Variants in PHF21A observed in about 807,000 individuals in gnomAD.
PHF21A encodes BHC80a.
Under a neutral mutation model 82.5 loss-of-function variants are expected in PHF21A, and 11 were observed. The ratio of observed to expected loss-of-function variants is 0.13; its 90% confidence interval spans 0.08 to 0.22. The LOEUF (loss-of-function observed/expected upper bound fraction) is 0.22. PHF21A is among the 10% of genes least tolerant of loss of function. PHF21A has a pLI of 1.00. For synonymous variants in PHF21A, 297 were observed against 302.8 expected, an observed-to-expected ratio of 0.98 and a Z score of 0.20; for missense variants, 579 against 837.8, an observed-to-expected ratio of 0.69 and a Z score of 3.81.
intron 6 of PHF21A, among the ~76,000 whole-genome samples, chr11:46,064,435 G>A (rs1337027521): frequency 2.0e-5 from 3 of 152,136 alleles, no homozygotes; most frequent in Non-Finnish European, 4.4e-5. Flanking sequence ...TTTTCAGATA[G>A]AGCTAGGATG....
At chr11:46,070,838 T>C (rs2096648721) in intron 6 of PHF21A, among the ~76,000 whole-genome samples, 1 of 152,212 alleles carries the variant, frequency 6.6e-6, no homozygotes, top group South Asian at 2.1e-4. Flanking sequence ...AAAAATATAC[T>C]TCCTGATAAG....
intron 7 of PHF21A, among the ~76,000 whole-genome samples, 184 bp downstream of exon 7, chr11:45,979,576 T>C (rs2094190647): frequency 6.6e-6 from 1 of 152,270 alleles, no homozygotes; most frequent in African/African-American, 2.4e-5. Flanking sequence ...TTAGTAATGT[T>C]ATTTCCTTCT....
chr11:46,097,842 T>C (rs1401651147), intron 1 of PHF21A, among the ~76,000 whole-genome samples: 3 of 151,628 alleles, frequency 2.0e-5, no homozygotes, highest in East Asian at 1.9e-4. Context: ...CACACACACA[T>C]ACACAAAAGA....
At chr11:45,946,025 C>A (rs765304227) in intron 14 of PHF21A, 22 bp from the exon 15 acceptor site, 6 of 1,613,468 alleles carry the variant, frequency 3.7e-6, no homozygotes, top group Middle Eastern at 1.7e-4. Flanking sequence ...GAGAAGGGAA[C>A]AAAAGGGAAA....
At chr11:45,980,988 G>C (rs1030124959) in intron 6 of PHF21A, among the ~76,000 whole-genome samples, 2 of 152,128 alleles carry the variant, frequency 1.3e-5, no homozygotes, top group African/African-American at 4.8e-5. Context: ...AAATCCAAGA[G>C]AAATGTGTTT....
At position 45,979,635 on chromosome 11, in the gene PHF21A, A is replaced by G. The variant is rs1325270977; in HGVS notation, c.360+125T>C. On this transcript the variant is annotated intron_variant, in intron 7 of 18. Coordinates refer to ENST00000676320, the MANE Select transcript of PHF21A (RefSeq NM_001352027.3). ...ATCTGGGTTATACTGTAAAAAAGCA[A>G]TCAAAATAACTTTTGTTTAGTTCTA... 2.2e-6 allele frequency: 3 copies of G among 1,364,084 alleles called. No individual in the cohort carries two copies. In the Admixed American group the frequency reaches 5.5e-5, roughly 25 times the overall value. 84.5% of individuals were successfully genotyped at this position (1,364,084 alleles called of 1,614,324 possible).
chr11:46,010,036 T>A (rs1253454796), intron 6 of PHF21A, among the ~76,000 whole-genome samples: 2 of 152,180 alleles, frequency 1.3e-5, no homozygotes, highest in Non-Finnish European at 2.9e-5. Flanking sequence ...TTTGGGGAAG[T>A]CTGAGGAACA....
intron 15 of PHF21A, among the ~76,000 whole-genome samples, chr11:45,942,960 T>A (rs1358288489): frequency 1.3e-5 from 2 of 152,146 alleles, no homozygotes; most frequent in Non-Finnish European, 2.9e-5. Flanking sequence ...GGAAGCTTCA[T>A]CTTTCTAGTC....
intron 6 of PHF21A, among the ~76,000 whole-genome samples, chr11:45,985,418 A>T (rs1315057326): frequency 2.0e-5 from 3 of 152,224 alleles, no homozygotes; most frequent in East Asian, 3.8e-4. Flanking sequence ...TTATGAACAA[A>T]AACACAGAAT....
intron 10 of PHF21A, among the ~76,000 whole-genome samples, chr11:45,962,203 C>T (rs1565276415): frequency 1.3e-5 from 2 of 152,152 alleles, no homozygotes; most frequent in South Asian, 4.1e-4. Flanking sequence ...GTACTTAACA[C>T]ATTTTTATTA....
chr11:46,014,044 T>C (rs1022146788), intron 6 of PHF21A, among the ~76,000 whole-genome samples: 8 of 152,154 alleles, frequency 5.3e-5, no homozygotes, highest in African/African-American at 1.4e-4. Flanking sequence ...AAGGGGTACA[T>C]GTGCAGGTTT....
chr11:45,963,014 G>T (rs2093202959), intron 10 of PHF21A, among the ~76,000 whole-genome samples: 1 of 151,942 alleles, frequency 6.6e-6, no homozygotes, highest in Non-Finnish European at 1.5e-5. Context: ...CAACGTGAAG[G>T]CCACGACAGG....
chr11:45,968,481 C>T (rs1389290921), intron 9 of PHF21A, among the ~76,000 whole-genome samples: 1 of 152,212 alleles, frequency 6.6e-6, no homozygotes, highest in East Asian at 1.9e-4. Flanking sequence ...CACATTTCTC[C>T]ACCCTGGAAC....
intron 6 of PHF21A, among the ~76,000 whole-genome samples, chr11:46,054,817 G>A (rs754306121): frequency 3.3e-5 from 5 of 151,840 alleles, no homozygotes; most frequent in Non-Finnish European, 5.9e-5. Flanking sequence ...TGAATTAAAT[G>A]TTGAAAGATT....
intron 9 of PHF21A, among the ~76,000 whole-genome samples, chr11:45,967,816 T>C (rs2093537088): frequency 6.6e-6 from 1 of 152,194 alleles, no homozygotes; most frequent in Admixed American, 6.5e-5. Flanking sequence ...CAGTAAGAAA[T>C]ATATTTTACT....
chr11:45,935,953 A>G (rs1391558153), intron 17 of PHF21A, among the ~76,000 whole-genome samples: 47 of 152,080 alleles, frequency 3.1e-4, no homozygotes, highest in Non-Finnish European at 1.5e-4. Flanking sequence ...CTTTACATAA[A>G]TGAGATACCA....
At chr11:46,072,307 T>G (rs2096665038) in intron 6 of PHF21A, among the ~76,000 whole-genome samples, 1 of 152,246 alleles carries the variant, frequency 6.6e-6, no homozygotes, top group Admixed American at 6.5e-5. Flanking sequence ...TTCAGGCCCA[T>G]GGGATCTAAC....
At chr11:46,069,490 G>A (rs1485929575) in intron 6 of PHF21A, among the ~76,000 whole-genome samples, 1 of 152,212 alleles carries the variant, frequency 6.6e-6, no homozygotes, top group Non-Finnish European at 1.5e-5. Context: ...ACATTTTACA[G>A]TAACTGGTAT....
At chr11:45,940,778 T>C (rs1433873754) in intron 15 of PHF21A, among the ~76,000 whole-genome samples, 2 of 152,186 alleles carry the variant, frequency 1.3e-5, no homozygotes, top group African/African-American at 2.4e-5. Flanking sequence ...TTAGAGACTG[T>C]TTTATGTGAA....
Sources: allele counts gnomAD v4.1 joint callset (sites outside exome capture counted in the v4.1 genomes callset), GRCh38; gene constraint gnomAD v4.1.1; transcripts MANE v1.5; gene names NCBI Gene and HGNC (gene_info 2026-07-23, HGNC 2026-07-21).